Variants in CSMD1 observed in about 807,000 individuals in gnomAD.
The protein encoded by CSMD1 is CUB and Sushi multiple domains 1, also known as CUB and sushi domain-containing protein 1.
A neutral mutation model predicts 417.5 loss-of-function variants in CSMD1; 213 were observed. The ratio of observed to expected loss-of-function variants is 0.51; its 90% CI spans 0.46 to 0.57. The LOEUF is 0.57. CSMD1 is among the 20% of genes least tolerant of loss of function. The probability of loss-of-function intolerance (pLI) is 0.00; values close to 1 mark genes in which losing one functional copy is unlikely to be tolerated. For synonymous variants in CSMD1, 2,862 were observed against 1,736.8 expected (o/e 1.65, Z -16.11); for missense variants, 6,923 against 4,529.7 (o/e 1.53, Z -15.17).
rs17079864 is a variant in CSMD1 at position 3,308,512 on chromosome 8, G to C, written c.3632-9C>G. 7,330 of 1,605,070 alleles carry C rather than the reference G, an allele frequency of 4.6e-3. 257 individuals carry two copies. The African/African-American group carries it at 0.078, about 17-fold the overall frequency. ...TTTTACCAGATCAAAACCTGCAAGAGAGAAAGGCAAGGAATGAACAGAACT... is the reference window on the plus strand; with the variant it reads ...TTTTACCAGATCAAAACCTGCAAGACAGAAAGGCAAGGAATGAACAGAACT... On this transcript the variant is annotated splice_polypyrimidine_tract_variant and intron_variant, in intron 23 of 69. Coordinates refer to ENST00000635120, the MANE Select transcript of CSMD1 (RefSeq NM_033225.6).
At chr8:4,026,862 A>G (rs765065376) in intron 4 of CSMD1, among the ~76,000 whole-genome samples, 6 of 152,218 alleles carry the variant, frequency 3.9e-5, no homozygotes, top group African/African-American at 7.2e-5. Context: ...AACCTGAGCA[A>G]AAGTTTGGAA....
chr8:3,770,338 G>C (rs1404022915), intron 5 of CSMD1, among the ~76,000 whole-genome samples: 1 of 152,144 alleles, frequency 6.6e-6, no homozygotes, highest in Non-Finnish European at 1.5e-5. Context: ...AGACCAGCCT[G>C]TCCTATGTGG....
At chr8:3,621,614 A>G (rs553458021) in intron 7 of CSMD1, among the ~76,000 whole-genome samples, 1 of 151,708 alleles carries the variant, frequency 6.6e-6, no homozygotes, top group African/African-American at 2.4e-5. Flanking sequence ...TTTTTTTGAG[A>G]CAGAATCTTG....
At chr8:3,908,905 T>C (rs1316247517) in intron 5 of CSMD1, among the ~76,000 whole-genome samples, 1 of 152,206 alleles carries the variant, frequency 6.6e-6, no homozygotes, top group African/African-American at 2.4e-5. Flanking sequence ...GGAAGATCAC[T>C]CATGCATCTA....
chr8:4,457,438 A>C (rs1799558974), intron 2 of CSMD1, among the ~76,000 whole-genome samples: 2 of 152,106 alleles, frequency 1.3e-5, no homozygotes, highest in South Asian at 4.1e-4. Context: ...GGAAAAAACA[A>C]ACATAATGCA....
At chr8:4,843,102 T>G (rs1286934116) in intron 1 of CSMD1, among the ~76,000 whole-genome samples, 1 of 152,182 alleles carries the variant, frequency 6.6e-6, no homozygotes, top group African/African-American at 2.4e-5. Flanking sequence ...TTTGTTAGGA[T>G]GTGCGAATTG....
At chr8:3,429,894 G>T (rs1394932094) in intron 12 of CSMD1, among the ~76,000 whole-genome samples, 2 of 152,148 alleles carry the variant, frequency 1.3e-5, no homozygotes, top group African/African-American at 2.4e-5. Context: ...CTGTGCACCA[G>T]ATCACACCAG....
At chr8:3,706,433 C>T (rs149396698) in intron 7 of CSMD1, among the ~76,000 whole-genome samples, 1 of 152,164 alleles carries the variant, frequency 6.6e-6, no homozygotes, top group African/African-American at 2.4e-5. Context: ...CCTTCCTCAT[C>T]TTAGAAGGCT....
chr8:3,013,438 C>G (rs1808572852), intron 52 of CSMD1, among the ~76,000 whole-genome samples: 1 of 152,164 alleles, frequency 6.6e-6, no homozygotes, highest in Admixed American at 6.6e-5. Context: ...CTTTACTTTT[C>G]TCTCTGTCAG....
intron 3 of CSMD1, among the ~76,000 whole-genome samples, chr8:4,327,769 T>G (rs1331396519): frequency 6.6e-6 from 1 of 152,232 alleles, no homozygotes; most frequent in Admixed American, 6.5e-5. Flanking sequence ...TTATTTTTAT[T>G]TAATCATAAA....
chr8:3,332,222 T>A (rs146516096), intron 23 of CSMD1, among the ~76,000 whole-genome samples: 3 of 152,388 alleles, frequency 2.0e-5, no homozygotes, highest in Non-Finnish European at 2.9e-5. Context: ...ACAATGACTT[T>A]TCCTTAAAAC....
At chr8:3,710,519 G>C (rs1198900206) in intron 6 of CSMD1, among the ~76,000 whole-genome samples, 1 of 152,098 alleles carries the variant, frequency 6.6e-6, no homozygotes, top group Non-Finnish European at 1.5e-5. Flanking sequence ...CAGAGGGCTG[G>C]GCTTAGGTGG....
At chr8:3,974,817 C>T (rs1402642521) in intron 5 of CSMD1, among the ~76,000 whole-genome samples, 2 of 151,876 alleles carry the variant, frequency 1.3e-5, no homozygotes, top group East Asian at 1.9e-4. Flanking sequence ...AAAGCATCTC[C>T]AATGATGCAA....
intron 1 of CSMD1, among the ~76,000 whole-genome samples, chr8:4,926,281 A>G (rs1277148268): frequency 6.6e-6 from 1 of 152,144 alleles, no homozygotes; most frequent in African/African-American, 2.4e-5. Context: ...GTTAAACATG[A>G]ATTTTTTTTG....
rs192236018 is a variant in CSMD1 at position 4,725,654 on chromosome 8, C to G, written c.86-88096G>C. 2.6e-5 allele frequency among the ~76,000 whole-genome samples: 4 copies of G among 152,304 alleles called. No individual in the cohort carries two copies. In the East Asian group the frequency reaches 7.7e-4, roughly 29 times the overall value. Reference sequence around the variant, plus strand: ...AAACCACAGCTCATCCTTTCAGAATCTGCATTCTCAGACAAATTCCAGCCT... The same window carrying G: ...AAACCACAGCTCATCCTTTCAGAATGTGCATTCTCAGACAAATTCCAGCCT... On this transcript the variant is annotated intron_variant, in intron 1 of 69. Coordinates refer to ENST00000635120, the MANE Select transcript of CSMD1 (RefSeq NM_033225.6).
At chr8:4,563,959 A>T (rs1193928233) in intron 2 of CSMD1, among the ~76,000 whole-genome samples, 2 of 152,176 alleles carry the variant, frequency 1.3e-5, no homozygotes, top group African/African-American at 4.8e-5. Flanking sequence ...GACTAAATAT[A>T]TTGTTTTAGC....
At chr8:3,151,256 A>C (rs1290269001) in intron 40 of CSMD1, 141 bp downstream of exon 40, 1 of 563,514 alleles carries the variant, frequency 1.8e-6, no homozygotes, top group Non-Finnish European at 3.2e-6. Context: ...TACTCTGCCA[A>C]AGCTTTATTT....
chr8:3,581,813 T>A (rs1211740983), intron 9 of CSMD1, among the ~76,000 whole-genome samples: 1 of 152,136 alleles, frequency 6.6e-6, no homozygotes, highest in Non-Finnish European at 1.5e-5. Flanking sequence ...TTTTTCCTTT[T>A]TAGTTTTTGA....
chr8:4,349,021 A>G (rs34718788), intron 3 of CSMD1, among the ~76,000 whole-genome samples: 13,726 of 152,198 alleles, frequency 0.09, 754 homozygotes, highest in South Asian at 0.21. Flanking sequence ...CTGTCCACAC[A>G]AGCCGAAATC....
Sources: gnomAD v4.1 joint callset for allele counts (sites outside exome capture counted in the v4.1 genomes callset) on GRCh38, gnomAD v4.1.1 for gene constraint, MANE v1.5 for transcripts, NCBI Gene and HGNC (gene_info 2026-07-23, HGNC 2026-07-21) for gene names.